The following BTN2A2 variants were observed in gnomAD, a reference collection of about 807,000 sequenced individuals.
BTN2A2 encodes butyrophilin 2.
A neutral mutation model predicts 34.7 loss-of-function variants in BTN2A2; 29 were observed. That is an observed-to-expected ratio of 0.84 (90% confidence interval 0.62 to 1.14). BTN2A2 has a LOEUF of 1.14. Among genes scored for constraint, BTN2A2 ranks in the 50% most tolerant of loss-of-function variants. The pLI, the probability that BTN2A2 is intolerant of heterozygous loss-of-function variation, is 0.00. For missense variants in BTN2A2, 612 were observed against 651.5 expected (o/e 0.94, Z 0.66); for synonymous variants, 240 against 253.1 (o/e 0.95, Z 0.49).
At position 26,384,303 on chromosome 6, in the gene BTN2A2, C is replaced by A. The variant is rs1761044038; in HGVS notation, c.94+388C>A. Among the ~76,000 whole-genome samples, 1 of 152,116 alleles carries A rather than the reference C, an allele frequency of 6.6e-6. No individual in the cohort carries two copies. Among genetic ancestry groups the A allele is most frequent in the Admixed American group, 6.5e-5 (1 of 15,278 alleles). ...TAGCTGAGAGTACAAGCAAGGGCCA[C>A]CACACTCGACTAAGTTTTATTTTTT... On this transcript the variant is annotated intron_variant, in intron 2 of 7. Coordinates refer to ENST00000356709, the MANE Select transcript of BTN2A2 (RefSeq NM_006995.5). The surrounding 1 kb of genome is among the most constrained non-coding windows in gnomAD (Gnocchi z 4.0).
In BTN2A2 at chr6:26,392,775, C is replaced by T. The variant is rs1486414566; in HGVS notation, c.1380C>T (p.Tyr460=). Residue 460 remains tyrosine, a synonymous_variant, in exon 8 of 8, where the codon TAC becomes TAT. Coordinates refer to ENST00000356709, the MANE Select transcript of BTN2A2 (RefSeq NM_006995.5). ...LDYEAGDVSF[Y]NMRDRSHIYT... The stretch of plus-strand genomic sequence containing the variant: ...ATGAAGCTGGAGATGTCTCCTTCTA[C>T]AACATGAGGGACAGATCGCACATCT... 5 of 1,613,764 alleles carry T rather than the reference C, an allele frequency of 3.1e-6. No individual in the cohort carries two copies. The African/African-American group carries it at 5.3e-5, about 17-fold the overall frequency.
In BTN2A2 at chr6:26,384,353, G is replaced by T. The variant is rs1298260038; in HGVS notation, c.94+438G>T. Among the ~76,000 whole-genome samples, 1 of 152,104 alleles carries T rather than the reference G, an allele frequency of 6.6e-6. No individual in the cohort carries two copies. The highest frequency in any genetic ancestry group is 1.9e-4 in the East Asian group (1 of 5,188). On this transcript the variant is annotated intron_variant, in intron 2 of 7. Transcript: ENST00000356709. The surrounding 1 kb of genome is among the most constrained non-coding windows in gnomAD (Gnocchi z 4.0). Reference sequence around the variant, plus strand: ...TGTAGAGACAGGGTCTCACTATTTTGCCCAGGCTGGTCTCAAACTCCTAGC... The same window carrying T: ...TGTAGAGACAGGGTCTCACTATTTTTCCCAGGCTGGTCTCAAACTCCTAGC...
chr6:26,390,852 C>T, intron 7 of BTN2A2, 23 bp downstream of exon 7: 3 of 1,613,766 alleles, frequency 1.9e-6, no homozygotes, highest in Middle Eastern at 1.7e-4. Context: ...GATGTTCTCT[C>T]AGATCTCAGC....
intron 3 of BTN2A2, among the ~76,000 whole-genome samples, chr6:26,385,791 C>G (rs1163827374): frequency 6.6e-6 from 1 of 152,160 alleles, no homozygotes; most frequent in African/African-American, 2.4e-5. Context: ...ACCTTGTGAT[C>G]CACCTGCCTC....
Position 26,393,112 on chromosome 6 carries a change from C to G in BTN2A2, c.*145C>G. On this transcript the variant is annotated 3_prime_UTR_variant, in exon 8 of 8. Transcript: ENST00000356709. ...CCAGCTGCCTTTTTCACACCCACTC[C>G]AGCCCTCTGCCCCAGTTTTCTCCTC... is the stretch of plus-strand genomic sequence containing the variant. 3 of 1,608,734 alleles carry G rather than the reference C, an allele frequency of 1.9e-6. No homozygotes were observed. The highest frequency in any genetic ancestry group is 2.5e-6 in the Non-Finnish European group (3 of 1,177,310).
Position 26,394,239 on chromosome 6 carries a change from A to G in BTN2A2, c.*1272A>G. The G allele has an allele frequency of 1.4e-6, 1 of 699,576 alleles. No individual in the cohort carries two copies. Among genetic ancestry groups the G allele is most frequent in the East Asian group, 2.7e-5 (1 of 37,218 alleles). 43.3% of individuals were successfully genotyped at this position (699,576 alleles called of 1,614,324 possible). A position where few individuals can be genotyped will look rare whatever the true frequency, so the allele number is the denominator to read the frequency against. On this transcript the variant is annotated 3_prime_UTR_variant, in exon 8 of 8. Coordinates refer to ENST00000356709, the MANE Select transcript of BTN2A2 (RefSeq NM_006995.5). ...AGTTCTCTCTAGGAATCCCAAAACC[A>G]CATTTTGAAACTAGAATAGTGGATC...
chr6:26,389,608 A>G (rs1761440486), intron 4 of BTN2A2, among the ~76,000 whole-genome samples: 1 of 152,218 alleles, frequency 6.6e-6, no homozygotes. Flanking sequence ...TTTTGAGCAA[A>G]TAATTAACAT....
rs776173998 is a variant in BTN2A2 at position 26,390,076 on chromosome 6, G to T, written c.796G>T (p.Val266Leu). 1 of 1,614,154 alleles carries T rather than the reference G, an allele frequency of 6.2e-7. No homozygotes were observed. The highest frequency in any genetic ancestry group is 8.5e-7 in the Non-Finnish European group (1 of 1,180,040). Residue 266 changes from valine to leucine, a missense_variant, in exon 5 of 8, where the codon GTG becomes TTG. Coordinates refer to ENST00000356709, the MANE Select transcript of BTN2A2 (RefSeq NM_006995.5). ...AVILTASPWM[V>L]SMTVILAVFI... is the part of the protein sequence containing the mutation. ...CATCCTGACCGCATCTCCCTGGATGGTGTCCATGACTGTCATCCTGGCTGT... is the reference window on the plus strand; with the variant it reads ...CATCCTGACCGCATCTCCCTGGATGTTGTCCATGACTGTCATCCTGGCTGT...
chr6:26,390,960 A>G, intron 7 of BTN2A2, 131 bp downstream of exon 7: 5 of 1,396,384 alleles, frequency 3.6e-6, no homozygotes, highest in South Asian at 1.2e-5. Flanking sequence ...CAGTTCATCA[A>G]CGGTGTCCCA....
chr6:26,386,155 A>G lies in BTN2A2; in HGVS notation c.442+793A>G, dbSNP rs1004779977. On this transcript the variant is annotated intron_variant, in intron 3 of 7. Transcript: ENST00000356709. ...AATAGATGATTTTTATTAAAGCACA[A>G]CTAAATACAGAAACAAAGTTATCTA... Among the ~76,000 whole-genome samples, 75 of 152,252 alleles carry G rather than the reference A, an allele frequency of 4.9e-4. 3 individuals are homozygous for G. Among genetic ancestry groups the G allele is most frequent in the Non-Finnish European group, 1.5e-5 (1 of 68,046 alleles).
At chr6:26,392,330 A>T (rs887299547) in intron 7 of BTN2A2, 45 bp from the exon 8 acceptor site, 2 of 1,613,962 alleles carry the variant, frequency 1.2e-6, no homozygotes, top group Non-Finnish European at 1.7e-6. Context: ...CACAATCCCC[A>T]GGGTTCCTGA....
At chr6:26,387,398 G>C (rs1199461872) in intron 3 of BTN2A2, among the ~76,000 whole-genome samples, 1 of 152,168 alleles carries the variant, frequency 6.6e-6, no homozygotes, top group Non-Finnish European at 1.5e-5. Flanking sequence ...CCCTGAACTA[G>C]ACAGAAGTGT....
intron 3 of BTN2A2, among the ~76,000 whole-genome samples, chr6:26,387,225 A>G (rs917583811): frequency 4.6e-5 from 7 of 152,242 alleles, no homozygotes; most frequent in African/African-American, 1.4e-4. Context: ...TTTCTAATAC[A>G]TTGATGTTCT....
rs1331819890 is a variant in BTN2A2 at position 26,392,484 on chromosome 6, G to C, written c.1089G>C (p.Glu363Asp). 1 of 1,614,258 alleles carries C rather than the reference G, an allele frequency of 6.2e-7. No individual in the cohort carries two copies. The highest frequency in any genetic ancestry group is 1.1e-5 in the South Asian group (1 of 91,090). ...GGCAGAGAGTGCCTGACAACCCAGA[G>C]AGATTCGACAGTCAGCCTTGTGTCC... ...PYRQRVPDNP[E>D]RFDSQPCVLG... The change falls in exon 8 of 8, where the codon GAG (glutamate) becomes GAC (aspartate). Residue 363 changes from glutamate (E) to aspartate (D), a missense_variant. Transcript: ENST00000356709.
rs1761482566 is a variant in BTN2A2, at chr6:26,390,184, G to A, written c.904G>A (p.Val302Ile). 5 of 1,613,972 alleles carry A rather than the reference G, an allele frequency of 3.1e-6. No homozygotes were observed. Among genetic ancestry groups the A allele is most frequent in the African/African-American group, 1.3e-5 (1 of 74,894 alleles). ...EKKILSGEKK[V>I]EQEEKEIAQQ... ...AAAGATTCTGTCAGGGGAAAAGAAA[G>A]TTGAACAAGAGGAAAAAGAAATTGC... The change falls in exon 5 of 8, where the codon GTT becomes ATT. Residue 302 changes from valine (V) to isoleucine (I), a missense_variant. Coordinates refer to ENST00000356709, the MANE Select transcript of BTN2A2 (RefSeq NM_006995.5).
At position 26,393,225 on chromosome 6, in the gene BTN2A2, A is replaced by C. The variant is rs1581612061; in HGVS notation, c.*258A>C. The C allele has an allele frequency of 4.0e-6, 6 of 1,490,308 alleles. No homozygotes were observed. The East Asian group carries it at 1.2e-4, about 30-fold the overall frequency. The allele number at this position is 1,490,308 out of a possible 1,614,324, so 92.3% of individuals were successfully genotyped here. Reference sequence around the variant, plus strand: ...GGGAACTAGTTGTTTCATAGCTCCCAGTCAAAAAGAAAGTGAGAGAAGCTG... The same window carrying C: ...GGGAACTAGTTGTTTCATAGCTCCCCGTCAAAAAGAAAGTGAGAGAAGCTG... On this transcript the variant is annotated 3_prime_UTR_variant, in exon 8 of 8. Transcript: ENST00000356709.
In BTN2A2 at chr6:26,383,740, A is replaced by T; in HGVS notation, c.-30-52A>T. On this transcript the variant is annotated intron_variant, in intron 1 of 7. Coordinates refer to ENST00000356709, the MANE Select transcript of BTN2A2 (RefSeq NM_006995.5). This position sits in a 1 kb window ranked among gnomAD's most constrained non-coding sequence, Gnocchi z 4.4. ...GTGACAGGAGAGGTTGGGCCCGACC[A>T]GCACTGAGGTGCCAAGACTCCTAGG... The T allele has an allele frequency of 1.4e-6, 2 of 1,444,420 alleles. No individual in the cohort carries two copies. Among genetic ancestry groups the T allele is most frequent in the Non-Finnish European group, 1.9e-6 (2 of 1,028,072 alleles). 89.5% of individuals were successfully genotyped at this position (1,444,420 alleles called of 1,614,324 possible). A position where few individuals can be genotyped will look rare whatever the true frequency, so the allele number is the denominator to read the frequency against.
intron 3 of BTN2A2, 60 bp downstream of exon 3, chr6:26,385,422 T>C: frequency 6.7e-7 from 1 of 1,487,452 alleles, no homozygotes; most frequent in Non-Finnish European, 9.1e-7. Flanking sequence ...GGAAAGTTTC[T>C]CCCTTAACCT....
At position 26,393,205 on chromosome 6, in the gene BTN2A2, C is replaced by G; in HGVS notation, c.*238C>G. On this transcript the variant is annotated 3_prime_UTR_variant, in exon 8 of 8. Transcript: ENST00000356709. ...TGGGATGGGATCCAGGCATAGGGAA[C>G]TAGTTGTTTCATAGCTCCCAGTCAA... The G allele has an allele frequency of 1.3e-6, 2 of 1,519,624 alleles. No homozygotes were observed. Among genetic ancestry groups the G allele is most frequent in the South Asian group, 2.6e-5 (2 of 76,242 alleles). The allele number at this position is 1,519,624 out of a possible 1,614,324, so 94.1% of individuals were successfully genotyped here. A position where few individuals can be genotyped will look rare whatever the true frequency, so the allele number is the denominator to read the frequency against.
Sources: gnomAD v4.1 joint callset for allele counts (sites outside exome capture counted in the v4.1 genomes callset) on GRCh38, gnomAD v4.1.1 for gene constraint, Gnocchi (gnomAD v3.1) non-coding constraint, MANE v1.5 for transcripts, NCBI Gene and HGNC (gene_info 2026-07-23, HGNC 2026-07-21) for gene names.